BRD10: variants seen among roughly 807,000 people sequenced by gnomAD.
BRD10 encodes the protein bromodomain containing 10.
At chr9:5,882,488 T>C in the BRD10 span, among the ~76,000 whole-genome samples, 3 of 152,208 alleles carry the variant, frequency 2.0e-5, no homozygotes, top group Non-Finnish European at 2.9e-5. Flanking sequence ...AGGCTTCTCA[T>C]ACTTGTATGC....
At chr9:5,915,866 C>T in the BRD10 span, among the ~76,000 whole-genome samples, 35 of 152,238 alleles carry the variant, frequency 2.3e-4, no homozygotes, top group African/African-American at 7.9e-4. Flanking sequence ...TGGTAGATGC[C>T]TTGAATTTGT....
chr9:5,913,347 T>A, the BRD10 span, among the ~76,000 whole-genome samples: 2 of 152,234 alleles, frequency 1.3e-5, no homozygotes, highest in Non-Finnish European at 2.9e-5. Context: ...AAACTTTCAT[T>A]TCACAGTTCA....
chr9:6,006,992 T>C, the BRD10 span, among the ~76,000 whole-genome samples: 2 of 152,132 alleles, frequency 1.3e-5, no homozygotes, highest in African/African-American at 4.8e-5. Context: ...TCCTTCTCAG[T>C]CTACGCGCAA....
At chr9:6,005,779 A>G in the BRD10 span, among the ~76,000 whole-genome samples, 2 of 152,244 alleles carry the variant, frequency 1.3e-5, no homozygotes, top group African/African-American at 4.8e-5. Context: ...TGTGGAGACA[A>G]GGGTAACAAA....
At chr9:5,928,815 C>T in the BRD10 span, among the ~76,000 whole-genome samples, 3,886 of 143,544 alleles carry the variant, frequency 0.027, 76 homozygotes, top group Middle Eastern at 0.049. Flanking sequence ...TGCCATCTGA[C>T]ATTTGAGTGT....
chr9:5,946,284 A>G, the BRD10 span, among the ~76,000 whole-genome samples: 187 of 152,228 alleles, frequency 1.2e-3, 3 homozygotes, highest in Middle Eastern at 0.027. Context: ...CATAGAATTG[A>G]CCAAGTAGGG....
At chr9:5,975,111 A>C in the BRD10 span, among the ~76,000 whole-genome samples, 1 of 152,252 alleles carries the variant, frequency 6.6e-6, no homozygotes, top group African/African-American at 2.4e-5. Flanking sequence ...AAATCAATCA[A>C]AACTGACCCA....
At chr9:5,921,944 G>A in the BRD10 span, 11 of 1,613,952 alleles carry the variant, frequency 6.8e-6, no homozygotes, top group Non-Finnish European at 9.3e-6. Flanking sequence ...AGAAGTTGGT[G>A]TTTGGCTAAA....
chr9:6,000,862 C>T, the BRD10 span, among the ~76,000 whole-genome samples: 1 of 152,140 alleles, frequency 6.6e-6, no homozygotes, highest in African/African-American at 2.4e-5. Flanking sequence ...CAAAGTTCTG[C>T]CATTGGCTCC....
the BRD10 span, among the ~76,000 whole-genome samples, chr9:5,911,260 C>T: frequency 1.3e-5 from 2 of 152,146 alleles, no homozygotes; most frequent in East Asian, 3.8e-4. Flanking sequence ...CTTCTGCATA[C>T]AGGTATCTAG....
At chr9:5,893,286 C>G in the BRD10 span, among the ~76,000 whole-genome samples, 1 of 152,110 alleles carries the variant, frequency 6.6e-6, no homozygotes, top group Non-Finnish European at 1.5e-5. Context: ...ATACTCTGTA[C>G]GTGCTGGGTG....
At chr9:5,916,480 CATGT>C in the BRD10 span, among the ~76,000 whole-genome samples, 4 of 150,812 alleles carry the variant, frequency 2.7e-5, no homozygotes, top group African/African-American at 9.8e-5. Flanking sequence ...TAGTATTACA[CATGT>C]ATGTGTGTAT....
chr9:5,897,557 G>T, the BRD10 span: 1 of 1,613,940 alleles, frequency 6.2e-7, no homozygotes, highest in Non-Finnish European at 8.5e-7. Flanking sequence ...CTTGGGCCAG[G>T]GCCGCTGGGA....
chr9:5,921,660 T>C, the BRD10 span: 2 of 1,613,968 alleles, frequency 1.2e-6, no homozygotes, highest in Non-Finnish European at 1.7e-6. Flanking sequence ...TAACTTTTTG[T>C]GATATAATCT....
At chr9:5,950,296 T>G in the BRD10 span, among the ~76,000 whole-genome samples, 2 of 152,244 alleles carry the variant, frequency 1.3e-5, no homozygotes, top group Non-Finnish European at 2.9e-5. Flanking sequence ...TCAGTGTTTT[T>G]CACCAGAAGC....
chr9:5,885,139 T>G, the BRD10 span, among the ~76,000 whole-genome samples: 1 of 152,080 alleles, frequency 6.6e-6, no homozygotes, highest in African/African-American at 2.4e-5. Flanking sequence ...TCTATTCCCT[T>G]CTCTACCTCG....
chr9:6,003,388 T>C, the BRD10 span, among the ~76,000 whole-genome samples: 1 of 152,216 alleles, frequency 6.6e-6, no homozygotes, highest in Non-Finnish European at 1.5e-5. Context: ...TCTAAAGTTC[T>C]TTTCATAATT....
the BRD10 span, chr9:5,920,062 T>C: frequency 6.2e-7 from 1 of 1,613,994 alleles, no homozygotes; most frequent in Non-Finnish European, 8.5e-7. Flanking sequence ...ATGTATGTAC[T>C]GTGGGTATAG....
the BRD10 span, among the ~76,000 whole-genome samples, chr9:5,883,983 G>A: frequency 2.0e-5 from 3 of 152,172 alleles, no homozygotes; most frequent in South Asian, 6.2e-4. Flanking sequence ...TGCAGATAAA[G>A]AGACTGATGT....
Sources: allele counts gnomAD v4.1 joint callset (sites outside exome capture counted in the v4.1 genomes callset), GRCh38; gene constraint gnomAD v4.1.1; transcripts MANE v1.5; gene names NCBI Gene and HGNC (gene_info 2026-07-23, HGNC 2026-07-21).